The following PPP2R5C variants were observed in gnomAD, a reference collection of about 807,000 sequenced individuals.
PPP2R5C encodes serine/threonine-protein phosphatase 2A 56 kDa regulatory subunit gamma isoform.
A neutral mutation model predicts 68.9 loss-of-function variants in PPP2R5C; 7 were observed. That is an observed-to-expected ratio of 0.10 (90% CI 0.06 to 0.19). The LOEUF is 0.19. Among genes scored for constraint, PPP2R5C ranks in the 10% least tolerant of loss-of-function variants. The pLI is 1.00. For synonymous variants in PPP2R5C, 210 were observed against 222.2 expected, an observed-to-expected ratio of 0.95 and a Z score of 0.49; for missense variants, 348 against 641.3, an observed-to-expected ratio of 0.54 and a Z score of 4.94.
At chr14:101,909,787 C>A in intron 11 of PPP2R5C, 97 bp downstream of exon 13, 1 of 819,932 alleles carries the variant, frequency 1.2e-6, no homozygotes, top group Non-Finnish European at 1.8e-6. Flanking sequence ...GTATTCTTCA[C>A]TCGAAAGCAA....
At chr14:101,842,672 C>T (rs1265342350) in intron 1 of PPP2R5C, among the ~76,000 whole-genome samples, 1 of 151,824 alleles carries the variant, frequency 6.6e-6, no homozygotes, top group Non-Finnish European at 1.5e-5. Flanking sequence ...CTGAGAGCAG[C>T]GTGGCCGTGG....
At chr14:101,829,308 C>G (rs939500752) in intron 1 of PPP2R5C, among the ~76,000 whole-genome samples, 2 of 152,182 alleles carry the variant, frequency 1.3e-5, no homozygotes, top group African/African-American at 2.4e-5. Context: ...ACTATGAGTT[C>G]TGAGTACAAC....
chr14:101,785,580 T>TAATG (rs1466994270), intron 2 of PPP2R5C, among the ~76,000 whole-genome samples: 2 of 152,180 alleles, frequency 1.3e-5, no homozygotes, highest in Non-Finnish European at 2.9e-5. Context: ...CTCCCTCTTG[T>TAATG]AATGACCTGT....
At chr14:101,785,936 G>T (rs868629471) in intron 2 of PPP2R5C, 82 bp from the exon 3 acceptor site, 6 of 1,283,436 alleles carry the variant, frequency 4.7e-6, no homozygotes, top group African/African-American at 4.6e-5. Context: ...TAAGACTCAT[G>T]TATATGTTTT....
chr14:101,891,035 G>T lies in PPP2R5C; in HGVS notation c.689+739G>T, dbSNP rs576949726. ...TGATCTGCCCGCCTCACCTCCCAAA[G>T]TGCTGAGATTACAGGCATGAGCCAC... On this transcript the variant is annotated intron_variant, in intron 6 of 13. Transcript: ENST00000334743. This position sits in a 1 kb window ranked among gnomAD's most constrained non-coding sequence, Gnocchi z 4.9. Among the ~76,000 whole-genome samples the T allele has an allele frequency of 2.0e-5, 3 of 152,076 alleles. No homozygotes were observed. The highest frequency in any genetic ancestry group is 1.3e-4 in the Admixed American group (2 of 15,258).
upstream of PPP2R5C, chr14:101,809,776 T>C: frequency 7.5e-7 from 1 of 1,331,020 alleles, no homozygotes; most frequent in Non-Finnish European, 9.7e-7. Flanking sequence ...AGTGTCATTT[T>C]AAGTTGCAGC....
At chr14:101,890,176 ATTGTT>A in intron 5 of PPP2R5C, 56 bp from the exon 8 acceptor site, 1 of 1,455,364 alleles carries the variant, frequency 6.9e-7, no homozygotes, top group South Asian at 1.2e-5. Context: ...CTCCTAGAGC[ATTGTT>A]TTCTTATTCA....
chr14:101,808,287 A>G (rs2039158131), upstream of PPP2R5C, among the ~76,000 whole-genome samples: 1 of 152,052 alleles, frequency 6.6e-6, no homozygotes, highest in Non-Finnish European at 1.5e-5. Flanking sequence ...CTTTAAAAAA[A>G]AAATTAATTC....
At position 101,879,765 on chromosome 14, in the gene PPP2R5C, C is replaced by A. The variant is rs771217768; in HGVS notation, c.295-2396C>A. Among the ~76,000 whole-genome samples, 1 of 152,204 alleles carries A rather than the reference C, an allele frequency of 6.6e-6. No homozygotes were observed. The highest frequency in any genetic ancestry group is 2.4e-5 in the African/African-American group (1 of 41,444). On this transcript the variant is annotated intron_variant, in intron 2 of 13. Coordinates refer to ENST00000334743, the Ensembl canonical transcript of PPP2R5C. This position sits in a 1 kb window ranked among gnomAD's most constrained non-coding sequence, Gnocchi z 4.2. ...GGCTTTGAGAGAGAGGGTAGAAACCCCAGTTCACGAATGCCACACTCCCCG... is the reference window on the plus strand; with the variant it reads ...GGCTTTGAGAGAGAGGGTAGAAACCACAGTTCACGAATGCCACACTCCCCG...
Position 101,819,139 on chromosome 14 carries a change from T to C in PPP2R5C, c.94+9103T>C, listed in dbSNP as rs993747661. 6 of 1,458,464 alleles carry C rather than the reference T, an allele frequency of 4.1e-6. No individual in the cohort carries two copies. The African/African-American group carries it at 8.5e-5, about 21-fold the overall frequency. 90.3% of individuals were successfully genotyped at this position (1,458,464 alleles called of 1,614,324 possible). ...TGTTTACATTTGTAGACAGTTTCTG[T>C]ACATGTATAATTAGGAATGGGTTGT... On this transcript the variant is annotated intron_variant, in intron 1 of 13. Coordinates refer to ENST00000334743, the Ensembl canonical transcript of PPP2R5C.
chr14:101,880,221 T>C (rs35471611), intron 2 of PPP2R5C, among the ~76,000 whole-genome samples: 11,684 of 152,308 alleles, frequency 0.077, 487 homozygotes, highest in Middle Eastern at 0.12. Context: ...TGCAAACTTT[T>C]GTCTTTGTAC....
chr14:101,913,446 T>C lies in PPP2R5C; in HGVS notation c.1326+973T>C, dbSNP rs1316863287. On this transcript the variant is annotated intron_variant, in intron 12 of 13. Transcript: ENST00000334743. This position sits in a 1 kb window ranked among gnomAD's most constrained non-coding sequence, Gnocchi z 4.1. ...ACTGGTTTGTATACTCTGATAAAAC[T>C]GCAATCAGGAAACTCAAATCAGGAA... Among the ~76,000 whole-genome samples the C allele has an allele frequency of 6.6e-6, 1 of 152,228 alleles. No individual in the cohort carries two copies. Among genetic ancestry groups the C allele is most frequent in the Non-Finnish European group, 1.5e-5 (1 of 68,046 alleles).
At position 101,900,780 on chromosome 14, in the gene PPP2R5C, C is replaced by G. The variant is rs2045639569; in HGVS notation, c.853-939C>G. ...CAAGGAACATAAAACATCCACTATCCACAAACTGGGAAACCACTGCAGTCC... is the reference window on the plus strand; with the variant it reads ...CAAGGAACATAAAACATCCACTATCGACAAACTGGGAAACCACTGCAGTCC... On this transcript the variant is annotated intron_variant, in intron 8 of 13. Coordinates refer to ENST00000334743, the Ensembl canonical transcript of PPP2R5C. Among the ~76,000 whole-genome samples the G allele has an allele frequency of 2.0e-5, 3 of 152,358 alleles. No homozygotes were observed. In the South Asian group the frequency reaches 6.2e-4, roughly 32 times the overall value.
In PPP2R5C at chr14:101,787,560, A is replaced by G. The variant is rs201852549; in HGVS notation, c.259+1377A>G. Among the ~76,000 whole-genome samples the G allele has an allele frequency of 2.8e-3, 425 of 151,678 alleles. 2 individuals carry two copies. The highest frequency in any genetic ancestry group is 8.0e-3 in the East Asian group (41 of 5,144). On this transcript the variant is annotated intron_variant, in intron 3 of 14. Coordinates refer to the PPP2R5C transcript ENST00000328724. ...GGGCGGATCACGAGGTCAGGAGATC[A>G]AGACCATCCTGGCTAACATGGTGAA...
chr14:101,800,087 A>G (rs2038792694), intron 3 of PPP2R5C, among the ~76,000 whole-genome samples: 1 of 151,782 alleles, frequency 6.6e-6, no homozygotes. Flanking sequence ...TGTCCCTACA[A>G]AAAATTTAAA....
In PPP2R5C at chr14:101,891,211, C is replaced by T. The variant is rs544449999; in HGVS notation, c.689+915C>T. On this transcript the variant is annotated intron_variant, in intron 6 of 13. Transcript: ENST00000334743. The surrounding 1 kb of genome is among the most constrained non-coding windows in gnomAD (Gnocchi z 4.9). ...TTTTTAGGGATGTAGTGTAGATGGGCAGTTCCGGGTTCTCAGGAGCCTGTG... is the reference window on the plus strand; with the variant it reads ...TTTTTAGGGATGTAGTGTAGATGGGTAGTTCCGGGTTCTCAGGAGCCTGTG... Among the ~76,000 whole-genome samples, 115 of 150,902 alleles carry T rather than the reference C, an allele frequency of 7.6e-4. 1 individual carries two copies. The highest frequency in any genetic ancestry group is 2.5e-3 in the African/African-American group (103 of 41,018).
intron 1 of PPP2R5C, among the ~76,000 whole-genome samples, chr14:101,829,833 G>T (rs1009417315): frequency 6.6e-6 from 1 of 152,116 alleles, no homozygotes; most frequent in African/African-American, 2.4e-5. Context: ...CTTCAAAGGT[G>T]CTGCTTAGTC....
chr14:101,774,965 T>C (rs896821062), intron 2 of PPP2R5C, among the ~76,000 whole-genome samples: 1 of 152,090 alleles, frequency 6.6e-6, no homozygotes, highest in African/African-American at 2.4e-5. Flanking sequence ...CAGACGTGAG[T>C]GTATGCCAGT....
At chr14:101,839,467 C>G (rs2041325620) in intron 1 of PPP2R5C, 1 of 152,388 alleles carries the variant, frequency 6.6e-6, no homozygotes, top group East Asian at 1.9e-4. Flanking sequence ...CCATCTGTGC[C>G]CCTACTCCAC....
Sources: allele counts gnomAD v4.1 joint callset (sites outside exome capture counted in the v4.1 genomes callset), GRCh38; gene constraint gnomAD v4.1.1; non-coding constraint Gnocchi (gnomAD v3.1); transcripts MANE v1.5; gene names NCBI Gene and HGNC (gene_info 2026-07-23, HGNC 2026-07-21).